The following SEH1L variants were observed in gnomAD, a reference collection of about 807,000 sequenced individuals.
SEH1L encodes the protein nucleoporin SEH1.
Under a neutral mutation model 49.5 loss-of-function variants are expected in SEH1L, and 18 were observed. The observed-to-expected ratio is 0.36, with a 90% CI of 0.25 to 0.54. The LOEUF (loss-of-function observed/expected upper bound fraction) is 0.54. SEH1L is among the 20% of genes least tolerant of loss of function. The pLI is 0.87. For missense variants in SEH1L, 404 were observed against 528.8 expected (o/e 0.76, Z 2.31); for synonymous variants, 169 against 178.1 (o/e 0.95, Z 0.41).
intron 2 of SEH1L, among the ~76,000 whole-genome samples, chr18:12,954,513 C>A (rs2030737320): frequency 6.6e-6 from 1 of 152,168 alleles, no homozygotes; most frequent in Non-Finnish European, 1.5e-5. Context: ...GTCACCCAGG[C>A]TGGAGTGCAG....
intron 1 of SEH1L, among the ~76,000 whole-genome samples, chr18:12,949,832 A>G (rs2030406752): frequency 6.6e-6 from 1 of 151,906 alleles, no homozygotes; most frequent in Non-Finnish European, 1.5e-5. Flanking sequence ...GCCCCTGCCC[A>G]TCTCCAGAAC....
rs554159705 is a variant in SEH1L at position 12,951,565 on chromosome 18, A to G, written c.112-290A>G. On this transcript the variant is annotated intron_variant, in intron 1 of 8. Coordinates refer to ENST00000399892, the MANE Select transcript of SEH1L (RefSeq NM_001013437.2). The stretch of plus-strand genomic sequence containing the variant: ...GGCACCATGCCTGGCTAATTTTTGT[A>G]TTTTTAGTAGAGACGGGGTTTCACC... 3.3e-5 allele frequency among the ~76,000 whole-genome samples: 5 copies of G among 152,182 alleles called. No individual in the cohort carries two copies. The East Asian group carries it at 7.7e-4, about 24-fold the overall frequency.
intron 3 of SEH1L, among the ~76,000 whole-genome samples, chr18:12,958,592 G>A (rs2031019195): frequency 6.6e-6 from 1 of 152,014 alleles, no homozygotes; most frequent in South Asian, 2.1e-4. Flanking sequence ...CATGTAAGTG[G>A]AATCACAGTA....
rs1523064 is a variant in SEH1L at position 12,982,265 on chromosome 18, A to T, written c.762-253A>T. ...TGTTTTGTTGTTTCTTTCTTCCATG[A>T]AACAGTCACTGAGTATCATTTATGT... On this transcript the variant is annotated intron_variant, in intron 6 of 8. Transcript: ENST00000399892. Among the ~76,000 whole-genome samples the T allele has an allele frequency of 0.41, 62,148 of 151,872 alleles. 13,013 individuals carry two copies. The highest frequency in any genetic ancestry group is 0.49 in the Middle Eastern group (143 of 294).
chr18:12,961,736 G>A (rs933049045), intron 3 of SEH1L, among the ~76,000 whole-genome samples: 3 of 151,998 alleles, frequency 2.0e-5, no homozygotes, highest in Non-Finnish European at 2.9e-5. Flanking sequence ...GCATGATCTC[G>A]GCTCAGTGCA....
intron 6 of SEH1L, among the ~76,000 whole-genome samples, chr18:12,980,449 GCGGC>G: frequency 1.3e-5 from 1 of 75,944 alleles, no homozygotes; most frequent in Admixed American, 1.1e-4. Flanking sequence ...CCCGGACGGG[GCGGC>G]TGGCCGGGCG....
At chr18:12,957,163 C>T (rs79825066) in intron 3 of SEH1L, among the ~76,000 whole-genome samples, 2,418 of 152,240 alleles carry the variant, frequency 0.016, 68 homozygotes, top group East Asian at 0.12. Flanking sequence ...TGCGGTGGCT[C>T]ACGCCTATAA....
chr18:12,974,094 GTC>G (rs2031813680), intron 5 of SEH1L: 1 of 152,190 alleles, frequency 6.6e-6, no homozygotes. Flanking sequence ...GGGAAAGAGT[GTC>G]TGCAGGTGGG....
chr18:12,969,455 C>T (rs1255197028), intron 4 of SEH1L, among the ~76,000 whole-genome samples: 1 of 151,038 alleles, frequency 6.6e-6, no homozygotes, highest in East Asian at 2.0e-4. Context: ...TTTGGGAGGC[C>T]GAGGTGGGCG....
At chr18:12,954,370 C>T (rs751087478) in intron 2 of SEH1L, among the ~76,000 whole-genome samples, 2 of 152,208 alleles carry the variant, frequency 1.3e-5, no homozygotes, top group Non-Finnish European at 2.9e-5. Context: ...CATATTTGCT[C>T]TTCCTACAAT....
At chr18:12,968,183 T>C (rs1402500982) in intron 4 of SEH1L, among the ~76,000 whole-genome samples, 2 of 152,210 alleles carry the variant, frequency 1.3e-5, no homozygotes, top group African/African-American at 4.8e-5. Context: ...TTGGCATTTT[T>C]CTCCTGCTGG....
At chr18:12,981,974 C>T (rs955980413) in intron 6 of SEH1L, among the ~76,000 whole-genome samples, 1 of 149,830 alleles carries the variant, frequency 6.7e-6, no homozygotes, top group Admixed American at 6.8e-5. Context: ...ATTCTCATGC[C>T]TCAGCCTCCT....
chr18:12,966,497 G>A lies in SEH1L; in HGVS notation c.521+3126G>A, dbSNP rs144730855. On this transcript the variant is annotated intron_variant, in intron 4 of 8. Transcript: ENST00000399892. ...ACTCCCTGGACCTCCCTGGGCTCAG[G>A]TGATCCTCCCACCACACACAGCCTC... Among the ~76,000 whole-genome samples the A allele has an allele frequency of 2.5e-3, 376 of 152,264 alleles. 4 individuals carry two copies. The highest frequency in any genetic ancestry group is 0.016 in the Admixed American group (244 of 15,286).
At chr18:12,948,579 T>C in intron 1 of SEH1L, 1 of 194,860 alleles carries the variant, frequency 5.1e-6, no homozygotes, top group Non-Finnish European at 1.0e-5. Context: ...GCCCGCGCTG[T>C]TCACCCGACG....
chr18:12,972,058 A>G (rs1300888627), intron 5 of SEH1L: 1 of 152,202 alleles, frequency 6.6e-6, no homozygotes, highest in Non-Finnish European at 1.5e-5. Context: ...GATCAGATGG[A>G]TCTTCTATAG....
intron 1 of SEH1L, among the ~76,000 whole-genome samples, chr18:12,950,042 C>CT (rs570794325): frequency 2.9e-4 from 43 of 147,762 alleles, no homozygotes; most frequent in Admixed American, 1.5e-3. Context: ...TTTCTTTTTC[C>CT]TTTTTTTTTG....
At position 12,984,308 on chromosome 18, in the gene SEH1L, T is replaced by C. The variant is rs75879377; in HGVS notation, c.1070+118T>C. On this transcript the variant is annotated intron_variant, in intron 8 of 8. Transcript: ENST00000399892. ...TGGAGTGGAAATGTTCACATGTGCT[T>C]GTATTAGCATTTAAGAATTCATTTT... is the stretch of plus-strand genomic sequence containing the variant. 1.4e-3 allele frequency: 1,453 copies of C among 1,057,518 alleles called. 29 individuals carry two copies. In the East Asian group the frequency reaches 0.026, roughly 19 times the overall value. 65.5% of individuals were successfully genotyped at this position (1,057,518 alleles called of 1,614,324 possible).
chr18:12,950,976 C>T (rs139191978), intron 1 of SEH1L, among the ~76,000 whole-genome samples: 93 of 152,286 alleles, frequency 6.1e-4, no homozygotes, highest in African/African-American at 2.2e-3. Context: ...TGTGCACCAC[C>T]ATGCCTGGTT....
intron 5 of SEH1L, among the ~76,000 whole-genome samples, chr18:12,975,120 G>T (rs2031865581): frequency 6.6e-6 from 1 of 151,848 alleles, no homozygotes; most frequent in African/African-American, 2.4e-5. Context: ...AGCCTCCCAA[G>T]TAGCTGGGAT....
Sources: allele counts gnomAD v4.1 joint callset (sites outside exome capture counted in the v4.1 genomes callset), GRCh38; gene constraint gnomAD v4.1.1; transcripts MANE v1.5; gene names NCBI Gene and HGNC (gene_info 2026-07-23, HGNC 2026-07-21).